The following TMEM156 variants were observed in gnomAD, a reference collection of about 807,000 sequenced individuals.
TMEM156 encodes transmembrane protein 156.
Under a neutral mutation model 30.5 loss-of-function variants are expected in TMEM156, and 28 were observed. That is an observed-to-expected ratio of 0.92 (90% confidence interval 0.68 to 1.26). TMEM156 has a LOEUF of 1.26. Among genes scored for constraint, TMEM156 ranks in the 50% most tolerant of loss-of-function variants. The pLI is 0.00. For synonymous variants in TMEM156, 137 were observed against 119.9 expected, an observed-to-expected ratio of 1.14 and a Z score of -0.93; for missense variants, 351 against 340.6, an observed-to-expected ratio of 1.03 and a Z score of -0.24.
At chr4:38,972,897 A>T (rs1185711479) in intron 5 of TMEM156, among the ~76,000 whole-genome samples, 1 of 152,062 alleles carries the variant, frequency 6.6e-6, no homozygotes, top group Non-Finnish European at 1.5e-5. Context: ...TTAGCTTGTG[A>T]TAGTTTTTTT....
intron 1 of TMEM156, among the ~76,000 whole-genome samples, chr4:39,014,539 A>G (rs766207520): frequency 3.9e-5 from 6 of 152,262 alleles, no homozygotes; most frequent in Middle Eastern, 3.4e-3. Flanking sequence ...TGGGCAGATC[A>G]CTTGAGGTCA....
chr4:38,976,764 G>T (rs1042877825), intron 5 of TMEM156, among the ~76,000 whole-genome samples: 1 of 152,200 alleles, frequency 6.6e-6, no homozygotes, highest in East Asian at 1.9e-4. Context: ...CTTCATAGAA[G>T]CCTAGGAGCC....
intron 6 of TMEM156, among the ~76,000 whole-genome samples, chr4:38,969,099 G>A (rs1158805827): frequency 1.3e-5 from 2 of 152,180 alleles, no homozygotes; most frequent in Non-Finnish European, 2.9e-5. Flanking sequence ...TGTCGCCCAA[G>A]TACAATACAT....
chr4:38,982,308 G>A (rs770247861), intron 5 of TMEM156, among the ~76,000 whole-genome samples: 3 of 152,104 alleles, frequency 2.0e-5, no homozygotes, highest in East Asian at 1.9e-4. Context: ...TTGTGATTAC[G>A]TGAGTCAATA....
At position 38,972,478 on chromosome 4, in the gene TMEM156, T is replaced by C. The variant is rs1043598997; in HGVS notation, c.824-1341A>G. Among the ~76,000 whole-genome samples the C allele has an allele frequency of 2.6e-5, 4 of 151,152 alleles. No individual in the cohort carries two copies. In the South Asian group the frequency reaches 8.4e-4, roughly 32 times the overall value. On this transcript the variant is annotated intron_variant, in intron 5 of 6. Coordinates refer to ENST00000381938, the MANE Select transcript of TMEM156 (RefSeq NM_024943.3). ...GTTGGCCAGGCTGGTCTTAAACTCC[T>C]GACCTCAAGTGATCCACCTGCCTCG...
chr4:38,981,009 A>C, intron 5 of TMEM156: 1 of 936,884 alleles, frequency 1.1e-6, no homozygotes, highest in Non-Finnish European at 1.3e-6. Flanking sequence ...AAAAAGAATC[A>C]TCCTCTTCAC....
chr4:38,993,603 A>G (rs1034584480), intron 3 of TMEM156, 135 bp downstream of exon 3: 3 of 747,130 alleles, frequency 4.0e-6, no homozygotes, highest in Non-Finnish European at 4.3e-6. Context: ...ATAGACTAAC[A>G]TTCTTTCAGG....
chr4:38,999,213 C>T (rs1192002512), intron 1 of TMEM156, among the ~76,000 whole-genome samples: 3 of 150,178 alleles, frequency 2.0e-5, no homozygotes, highest in African/African-American at 7.4e-5. Flanking sequence ...GCCTCCCAGG[C>T]TCAGGCAATT....
intron 5 of TMEM156, 58 bp from the exon 6 acceptor site, chr4:38,971,195 G>T: frequency 2.0e-6 from 3 of 1,509,464 alleles, no homozygotes; most frequent in African/African-American, 1.4e-5. Context: ...AAAGAGACAG[G>T]CTTATTCTAA....
Position 39,026,928 on chromosome 4 carries a change from A to AAAAT in TMEM156, c.88+5294_88+5297dup, listed in dbSNP as rs1372696687. 2.0e-5 allele frequency among the ~76,000 whole-genome samples: 3 copies of AAAAT among 152,314 alleles called. No individual in the cohort carries two copies. In the East Asian group the frequency reaches 5.8e-4, roughly 29 times the overall value. On this transcript the variant is annotated intron_variant, in intron 1 of 6. Transcript: ENST00000381938. ...GGTGACAAAGTAAGCTGTTGTCTCA[A>AAAAT]AAATAAATAAATAAATAAAAATTTT...
At chr4:39,009,256 AAACCT>A (rs1319564966) in intron 1 of TMEM156, among the ~76,000 whole-genome samples, 4 of 152,126 alleles carry the variant, frequency 2.6e-5, no homozygotes, top group Admixed American at 2.6e-4. Context: ...CAGTAATAAA[AAACCT>A]ACCAGCCCAG....
intron 1 of TMEM156, among the ~76,000 whole-genome samples, 172 bp downstream of exon 1, chr4:39,032,054 C>T (rs1273540785): frequency 6.6e-6 from 1 of 152,064 alleles, no homozygotes; most frequent in East Asian, 1.9e-4. Flanking sequence ...AATTAGGTTA[C>T]TGTACTATAT....
At chr4:39,020,586 T>C (rs1013833853) in intron 1 of TMEM156, among the ~76,000 whole-genome samples, 2 of 152,122 alleles carry the variant, frequency 1.3e-5, no homozygotes, top group African/African-American at 2.4e-5. Context: ...GGAGTCTCAC[T>C]CTGTCACCAG....
chr4:38,984,345 C>CTGTGTGTGTGTGTGTG (rs770530490), intron 5 of TMEM156, among the ~76,000 whole-genome samples: 5 of 114,862 alleles, frequency 4.4e-5, no homozygotes, highest in African/African-American at 9.5e-5. Context: ...CTCTCTCTCT[C>CTGTGTGTGTGTGTGTG]TCTCTGTGTG....
At chr4:38,978,151 C>G (rs531540979) in intron 5 of TMEM156, among the ~76,000 whole-genome samples, 1 of 152,296 alleles carries the variant, frequency 6.6e-6, no homozygotes, top group South Asian at 2.1e-4. Flanking sequence ...TAGCCAGCCT[C>G]TCTTGACTGC....
intron 1 of TMEM156, 60 bp from the exon 2 acceptor site, chr4:38,998,969 A>G (rs1713134004): frequency 6.8e-7 from 1 of 1,471,550 alleles, no homozygotes; most frequent in East Asian, 2.3e-5. Context: ...TTGGCATTCA[A>G]ATAAATACAC....
chr4:38,973,097 C>A (rs1367128908), intron 5 of TMEM156, among the ~76,000 whole-genome samples: 2 of 152,098 alleles, frequency 1.3e-5, no homozygotes, highest in East Asian at 3.9e-4. Flanking sequence ...AGTGTGAGAT[C>A]TTGATTAAGT....
intron 5 of TMEM156, among the ~76,000 whole-genome samples, chr4:38,983,777 G>A (rs909560514): frequency 2.0e-5 from 3 of 152,132 alleles, no homozygotes; most frequent in Admixed American, 1.3e-4. Flanking sequence ...GATATCCATA[G>A]CCCTTCTACA....
At position 38,971,107 on chromosome 4, in the gene TMEM156, T is replaced by C; in HGVS notation, c.854A>G (p.Gln285Arg). The stretch of plus-strand genomic sequence containing the variant: ...AATTGGGGGAAGCACTTCCTGGACT[T>C]GATCCAAAGGCAGCCTCTGCGTGGT... ...AETTQRLPLD[Q>R]VQEVLPPIPE... Residue 285 changes from glutamine (Q) to arginine (R), a missense_variant, in exon 6 of 7, where the codon CAA becomes CGA. Physicochemically the swap from Gln to Arg is conservative, Grantham distance 43. Transcript: ENST00000381938. 1.2e-5 allele frequency: 19 copies of C among 1,614,060 alleles called. No individual in the cohort carries two copies. The highest frequency in any genetic ancestry group is 1.6e-5 in the Non-Finnish European group (19 of 1,179,920).
Sources: gnomAD v4.1 joint callset for allele counts (sites outside exome capture counted in the v4.1 genomes callset) on GRCh38, gnomAD v4.1.1 for gene constraint, MANE v1.5 for transcripts, NCBI Gene and HGNC (gene_info 2026-07-23, HGNC 2026-07-21) for gene names.